ERICH6: variants seen among roughly 807,000 people sequenced by gnomAD.
The protein encoded by ERICH6 is glutamate rich 6, also known as glutamate-rich protein 6.
A neutral mutation model predicts 71.0 loss-of-function variants in ERICH6; 71 were observed. That is an observed-to-expected ratio of 1.00 (90% CI 0.83 to 1.22). ERICH6 has a LOEUF of 1.22. Among genes scored for constraint, ERICH6 ranks in the 50% most tolerant of loss-of-function variants. The probability of loss-of-function intolerance (pLI) is 0.00; values close to 1 mark genes in which losing one functional copy is unlikely to be tolerated. For synonymous variants in ERICH6, 262 were observed against 278.4 expected (o/e 0.94, Z 0.59); for missense variants, 808 against 797.2 (o/e 1.01, Z -0.16).
intron 3 of ERICH6, among the ~76,000 whole-genome samples, chr3:150,697,871 C>G (rs922831092): frequency 2.0e-5 from 3 of 152,212 alleles, no homozygotes; most frequent in African/African-American, 7.2e-5. Flanking sequence ...TCTCTGTGAT[C>G]TCATCCCCTA....
chr3:150,672,832 C>T (rs1711519306), intron 11 of ERICH6, among the ~76,000 whole-genome samples: 1 of 151,674 alleles, frequency 6.6e-6, no homozygotes, highest in Non-Finnish European at 1.5e-5. Flanking sequence ...CAAGACCAGC[C>T]TGGGCAACAT....
At chr3:150,681,756 G>T (rs956823944) in intron 7 of ERICH6, among the ~76,000 whole-genome samples, 2 of 149,830 alleles carry the variant, frequency 1.3e-5, no homozygotes, top group African/African-American at 2.5e-5. Context: ...GTGTGAAGTG[G>T]TATCCCACTG....
chr3:150,677,066 C>A (rs1711689760), intron 10 of ERICH6, among the ~76,000 whole-genome samples: 3 of 152,132 alleles, frequency 2.0e-5, no homozygotes, highest in Non-Finnish European at 2.9e-5. Flanking sequence ...CCCATCTTGG[C>A]CTCCCAAAGT....
intron 2 of ERICH6, among the ~76,000 whole-genome samples, chr3:150,700,305 G>A (rs1235207573): frequency 7.2e-6 from 1 of 139,560 alleles, no homozygotes; most frequent in African/African-American, 2.7e-5. Flanking sequence ...ATGTGAAATG[G>A]TTTTAAATCT....
chr3:150,684,273 T>C (rs1430462854), intron 6 of ERICH6, among the ~76,000 whole-genome samples: 1 of 152,080 alleles, frequency 6.6e-6, no homozygotes, highest in Admixed American at 6.5e-5. Context: ...GTCTGTTGAG[T>C]GACCGTAAAG....
chr3:150,686,672 A>G (rs1381134679), intron 3 of ERICH6, among the ~76,000 whole-genome samples: 1 of 152,220 alleles, frequency 6.6e-6, no homozygotes, highest in Non-Finnish European at 1.5e-5. Context: ...AAACCCTACT[A>G]TGCACAAATT....
intron 3 of ERICH6, among the ~76,000 whole-genome samples, chr3:150,687,000 G>C (rs751941746): frequency 1.4e-4 from 22 of 152,140 alleles, no homozygotes; most frequent in Non-Finnish European, 2.5e-4. Flanking sequence ...GCAAAACCCT[G>C]TCTCTACTAA....
chr3:150,686,326 T>G lies in ERICH6; in HGVS notation c.582A>C (p.Glu194Asp), dbSNP rs1712186254. The G allele has an allele frequency of 1.9e-6, 3 of 1,614,186 alleles. No individual in the cohort carries two copies. In the East Asian group the frequency reaches 6.7e-5, roughly 36 times the overall value. Residue 194 changes from glutamate (E) to aspartate (D), a missense_variant, in exon 4 of 14, where the codon GAA becomes GAC. Transcript: ENST00000295910. The part of the protein sequence containing the change: ...SRKKASKEKA[E>D]PECLASKLRE... ...TTAACTTAGATGCCAGACATTCAGG[T>G]TCAGCTTTCTCTTTAGAGGCTTTCT... is the stretch of plus-strand genomic sequence containing the variant.
chr3:150,699,785 C>G (rs1334042528), intron 2 of ERICH6, among the ~76,000 whole-genome samples: 2 of 149,060 alleles, frequency 1.3e-5, no homozygotes, highest in African/African-American at 4.9e-5. Context: ...AGAGAACAAG[C>G]ACTGGTTCTT....
At chr3:150,690,571 T>C (rs934166050) in intron 3 of ERICH6, among the ~76,000 whole-genome samples, 1 of 152,176 alleles carries the variant, frequency 6.6e-6, no homozygotes, top group Non-Finnish European at 1.5e-5. Context: ...ATCAAATACT[T>C]TACCAGGAAA....
In ERICH6 at chr3:150,685,972, C is replaced by T. The variant is rs1256594284; in HGVS notation, c.660G>A (p.Glu220=). The T allele has an allele frequency of 2.5e-6, 4 of 1,604,398 alleles. No homozygotes were observed. Among genetic ancestry groups the T allele is most frequent in the Non-Finnish European group, 3.4e-6 (4 of 1,171,224 alleles). ...PEESKLNILY[E]LEFKEDFITL... Reference sequence around the variant, plus strand: ...TATGATAAACATTTCTTACCTCCAGCTCATATAAAATATTTAGTTTCGACT... The same window carrying T: ...TATGATAAACATTTCTTACCTCCAGTTCATATAAAATATTTAGTTTCGACT... The change falls in exon 5 of 14, where the codon GAG becomes GAA. Residue 220 remains glutamate (E), a synonymous_variant. Transcript: ENST00000295910.
chr3:150,683,498 C>T (rs1712053425), intron 6 of ERICH6, among the ~76,000 whole-genome samples: 2 of 152,156 alleles, frequency 1.3e-5, no homozygotes, highest in South Asian at 4.1e-4. Context: ...GGCATGGTGG[C>T]TCACACCTGT....
At chr3:150,660,760 G>A (rs1460775478) in intron 13 of ERICH6, among the ~76,000 whole-genome samples, 4 of 152,208 alleles carry the variant, frequency 2.6e-5, no homozygotes, top group African/African-American at 9.7e-5. Context: ...TGCCTGAAGT[G>A]TTTTCAGTCT....
intron 13 of ERICH6, among the ~76,000 whole-genome samples, chr3:150,664,490 A>C (rs1727333154): frequency 6.6e-6 from 1 of 152,084 alleles, no homozygotes; most frequent in Non-Finnish European, 1.5e-5. Context: ...CTCTACTAAA[A>C]ATACAAAATT....
At chr3:150,679,844 G>T (rs145351612) in intron 9 of ERICH6, among the ~76,000 whole-genome samples, 1,622 of 152,122 alleles carry the variant, frequency 0.011, 38 homozygotes, top group African/African-American at 0.037. Flanking sequence ...TTTTAGTAGA[G>T]ATGGGGTTTC....
chr3:150,693,517 G>A (rs776820925), intron 3 of ERICH6, among the ~76,000 whole-genome samples: 2 of 152,222 alleles, frequency 1.3e-5, no homozygotes, highest in South Asian at 2.1e-4. Flanking sequence ...GGTATTTGAT[G>A]GTACAAATCA....
rs777672193 is a variant in ERICH6 at position 150,703,555 on chromosome 3, C to T, written c.344G>A (p.Ser115Asn). The T allele has an allele frequency of 3.1e-6, 5 of 1,613,062 alleles. No homozygotes were observed. The South Asian group carries it at 4.4e-5, about 14-fold the overall frequency. The change falls in exon 1 of 14, where the codon AGC (serine) becomes AAC (asparagine). Residue 115 changes from serine (S) to asparagine (N), a missense_variant. By Grantham distance (46) the Ser-to-Asn change is conservative (BLOSUM62 1). This residue lies in a region of ERICH6 where 736 missense variants were observed against 712.2 expected (regional missense o/e 1.03). Coordinates refer to ENST00000295910, the MANE Select transcript of ERICH6 (RefSeq NM_152394.5). ...GCTCGGCGTTTCAGTGCTGGTCGCG[C>T]TCTGGCTGGGCACGAACGTAGAGGT... Reference protein sequence around the residue: ...SLTSTFVPSQSATSTETPSAS... With the variant: ...SLTSTFVPSQNATSTETPSAS...
chr3:150,686,380 T>A (rs760447051), intron 3 of ERICH6, 26 bp from the exon 4 acceptor site: 175 of 1,603,638 alleles, frequency 1.1e-4, no homozygotes, highest in Admixed American at 1.1e-3. Flanking sequence ...ACATGTGTCA[T>A]CAATCTGACA....
intron 12 of ERICH6, among the ~76,000 whole-genome samples, chr3:150,667,672 T>C (rs1302615833): frequency 1.3e-5 from 2 of 152,214 alleles, no homozygotes; most frequent in Non-Finnish European, 2.9e-5. Flanking sequence ...CCATCTGAGA[T>C]CTGGCAGCAC....
Sources: gnomAD v4.1 joint callset for allele counts (sites outside exome capture counted in the v4.1 genomes callset) on GRCh38, gnomAD v4.1.1 for gene constraint, gnomAD v4.1.1 regional missense constraint, MANE v1.5 for transcripts, NCBI Gene and HGNC (gene_info 2026-07-23, HGNC 2026-07-21) for gene names.